NTMT1: variants seen among roughly 807,000 people sequenced by gnomAD.
NTMT1 encodes N-terminal Xaa-Pro-Lys N-methyltransferase 1, also known as N-terminal RCC1 methyltransferase.
NTMT1 carries 8 observed loss-of-function variants against 17.5 expected under a neutral mutation model. The ratio of observed to expected loss-of-function variants is 0.46; its 90% CI spans 0.27 to 0.82. The LOEUF is 0.82. Ranked by LOEUF, NTMT1 falls within the 40% of genes least tolerant of loss-of-function variation. The pLI is 0.15. For missense variants in NTMT1, 221 were observed against 303.5 expected, an observed-to-expected ratio of 0.73 and a Z score of 2.02; for synonymous variants, 128 against 126.8, an observed-to-expected ratio of 1.01 and a Z score of -0.06.
In NTMT1 at chr9:129,632,683, A is replaced by G. The variant is rs562567030; in HGVS notation, c.-21A>G. 44 of 1,613,206 alleles carry G rather than the reference A, an allele frequency of 2.7e-5. No homozygotes were observed. Among genetic ancestry groups the G allele is most frequent in the Non-Finnish European group, 3.6e-5 (42 of 1,179,386 alleles). On this transcript the variant is annotated 5_prime_UTR_variant, in exon 2 of 4. Transcript: ENST00000372483. ...CGGTTGCTGATCGTGGTGCTTGAGT[A>G]GAGCCGTGGTTGGTGACAGCATGAC...
chr9:129,619,103 G>GGTGA (rs1265556423), intron 1 of NTMT1, among the ~76,000 whole-genome samples: 1 of 152,084 alleles, frequency 6.6e-6, no homozygotes, highest in Non-Finnish European at 1.5e-5. Flanking sequence ...TGGGTGGGTG[G>GGTGA]GTGAGTGAAT....
intron 1 of NTMT1, chr9:129,619,631 T>C: frequency 6.2e-7 from 1 of 1,614,026 alleles, no homozygotes; most frequent in Non-Finnish European, 8.5e-7. Context: ...GTGCGATGAC[T>C]GGCCCCTTAA....
At chr9:129,632,892 G>A (rs1831245600) in intron 2 of NTMT1, 27 bp downstream of exon 2, 1 of 1,608,082 alleles carries the variant, frequency 6.2e-7, no homozygotes, top group South Asian at 1.1e-5. Flanking sequence ...TGCTCTCCAG[G>A]AGAGGCTGTG....
Position 129,632,831 on chromosome 9 carries a change from A to G in NTMT1, c.128A>G (p.Asn43Ser), listed in dbSNP as rs1329532552. 3 of 1,614,140 alleles carry G rather than the reference A, an allele frequency of 1.9e-6. No homozygotes were observed. Among genetic ancestry groups the G allele is most frequent in the South Asian group, 2.2e-5 (2 of 91,078 alleles). The change falls in exon 2 of 4, where the codon AAC (asparagine) becomes AGC (serine). Residue 43 changes from asparagine to serine, a missense_variant. Physicochemically the swap from Asn to Ser is conservative, Grantham distance 46 (BLOSUM62 1). Transcript: ENST00000372483. ...GGCCACATCTCCAGCATCGACATCAACAGCTCCCGGAAGTTTCTGCAGAGG... is the reference window on the plus strand; with the variant it reads ...GGCCACATCTCCAGCATCGACATCAGCAGCTCCCGGAAGTTTCTGCAGAGG... Reference protein sequence around the residue: ...GYGHISSIDINSSRKFLQRFL... With the variant: ...GYGHISSIDISSSRKFLQRFL...
chr9:129,635,616 T>A lies in NTMT1; in HGVS notation c.*152T>A. The A allele has an allele frequency of 1.0e-6, 1 of 997,406 alleles. No homozygotes were observed. Among genetic ancestry groups the A allele is most frequent in the South Asian group, 1.6e-5 (1 of 62,618 alleles). 61.8% of individuals were successfully genotyped at this position (997,406 alleles called of 1,614,324 possible). On this transcript the variant is annotated 3_prime_UTR_variant, in exon 4 of 4. Coordinates refer to ENST00000372483, the MANE Select transcript of NTMT1 (RefSeq NM_014064.4). ...GTCCACTCATTATGCGGGCTCTTCT[T>A]CAAAAGGCAAGGTGGGACCCGGCGG...
intron 1 of NTMT1, among the ~76,000 whole-genome samples, chr9:129,610,682 C>T (rs1032198034): frequency 1.9e-4 from 29 of 151,956 alleles, no homozygotes; most frequent in African/African-American, 6.8e-4. Flanking sequence ...CCGCGCCAGG[C>T]GGCGCCAAAG....
chr9:129,632,788 G>A lies in NTMT1; in HGVS notation c.85G>A (p.Gly29Ser), dbSNP rs761262698. 2 of 1,614,152 alleles carry A rather than the reference G, an allele frequency of 1.2e-6. No individual in the cohort carries two copies. The highest frequency in any genetic ancestry group is 2.2e-5 in the South Asian group (2 of 91,084). ...GAAACAAATCCCACCCACGGTGGAC[G>A]GCATGCTTGGGGGGTATGGCCACAT... ...YWKQIPPTVD[G>S]MLGGYGHISS... Residue 29 changes from glycine to serine, a missense_variant, in exon 2 of 4, where the codon GGC becomes AGC. Coordinates refer to ENST00000372483, the MANE Select transcript of NTMT1 (RefSeq NM_014064.4).
rs571302391 is a variant in NTMT1 at position 129,632,445 on chromosome 9, C to G, written c.-54-205C>G. 3.9e-5 allele frequency among the ~76,000 whole-genome samples: 6 copies of G among 152,278 alleles called. No individual in the cohort carries two copies. In the South Asian group the frequency reaches 1.2e-3, roughly 32 times the overall value. On this transcript the variant is annotated intron_variant, in intron 1 of 3. Coordinates refer to ENST00000372483, the MANE Select transcript of NTMT1 (RefSeq NM_014064.4). ...AATAAAAATGTAAAAGAACTTGAAG[C>G]CAGGACTTGGGGCGGGTGCTCTGAG... is the stretch of plus-strand genomic sequence containing the variant.
rs769327680 is a variant in NTMT1 at position 129,613,191 on chromosome 9, G to T, written c.-55+4013G>T. ...CAGCGGCCTTCTTCCATGAACAGAA[G>T]GGCAGGCTGCTGTTCATGGAGGTGT... On this transcript the variant is annotated intron_variant, in intron 1 of 3. Coordinates refer to the NTMT1 transcript ENST00000372486. This position sits in a 1 kb window ranked among gnomAD's most constrained non-coding sequence, Gnocchi z 6.2. 6.2e-7 allele frequency: 1 copy of T among 1,613,698 alleles called. No homozygotes were observed. The highest frequency in any genetic ancestry group is 1.1e-5 in the South Asian group (1 of 91,080).
upstream of NTMT1, among the ~76,000 whole-genome samples, chr9:129,621,857 A>G (rs1030658726): frequency 6.6e-6 from 1 of 151,986 alleles, no homozygotes; most frequent in Non-Finnish European, 1.5e-5. Context: ...GGGGCCCTAG[A>G]AGGTCCTGTG....
At chr9:129,619,395 G>T in intron 1 of NTMT1, 1 of 732,440 alleles carries the variant, frequency 1.4e-6, no homozygotes, top group East Asian at 2.5e-5. Context: ...ACAGCCATAT[G>T]TAAGGATGGA....
chr9:129,610,308 C>CG (rs1554772863), intron 1 of NTMT1, among the ~76,000 whole-genome samples: 5 of 149,388 alleles, frequency 3.3e-5, no homozygotes, highest in Admixed American at 3.3e-4. Flanking sequence ...CCGCCCCCCC[C>CG]CCACCGGCGT....
intron 1 of NTMT1, chr9:129,628,419 A>G (rs543375965): frequency 6.6e-6 from 1 of 152,322 alleles, no homozygotes; most frequent in Non-Finnish European, 1.5e-5. Flanking sequence ...TATTCAGGGG[A>G]CCCTGACATT....
At position 129,632,670 on chromosome 9, in the gene NTMT1, G is replaced by A. The variant is rs751056765; in HGVS notation, c.-34G>A. 7.5e-6 allele frequency: 12 copies of A among 1,609,576 alleles called. No individual in the cohort carries two copies. The African/African-American group carries it at 1.1e-4, about 14-fold the overall frequency. ...CCCAGGAGAGTCGCGGTTGCTGATC[G>A]TGGTGCTTGAGTAGAGCCGTGGTTG... On this transcript the variant is annotated 5_prime_UTR_variant, in exon 2 of 4. The change creates a new upstream start codon in the 5' untranslated region. Coordinates refer to ENST00000372483, the MANE Select transcript of NTMT1 (RefSeq NM_014064.4).
upstream of NTMT1, among the ~76,000 whole-genome samples, chr9:129,621,545 T>C (rs1431409714): frequency 2.0e-5 from 3 of 152,126 alleles, no homozygotes; most frequent in Non-Finnish European, 4.4e-5. Flanking sequence ...TTTGTAGAAA[T>C]GGGGTAGAAT....
intron 1 of NTMT1, among the ~76,000 whole-genome samples, chr9:129,610,363 G>A (rs997225126): frequency 2.6e-5 from 4 of 151,646 alleles, no homozygotes; most frequent in Admixed American, 2.0e-4. Context: ...GGGTCGCGGG[G>A]GCGCCGAGAC....
At chr9:129,631,236 A>G (rs534193736) in intron 1 of NTMT1, among the ~76,000 whole-genome samples, 2 of 152,208 alleles carry the variant, frequency 1.3e-5, no homozygotes, top group Non-Finnish European at 2.9e-5. Flanking sequence ...TTGTGGGTCC[A>G]TGAGAATCCT....
rs1385086567 is a variant in NTMT1, at chr9:129,634,743, C to T, written c.415+437C>T. The T allele has an allele frequency of 3.7e-5, 8 of 217,352 alleles. No homozygotes were observed. The East Asian group carries it at 3.7e-4, about 10-fold the overall frequency. 13.5% of individuals were successfully genotyped at this position (217,352 alleles called of 1,614,324 possible). On this transcript the variant is annotated intron_variant, in intron 3 of 3. Transcript: ENST00000372483. Reference sequence around the variant, plus strand: ...GTGGCGGCAGGCCGCTAGCAGCAGTCGGCCACCTCCTGAGGCGGGCAGCAC... The same window carrying T: ...GTGGCGGCAGGCCGCTAGCAGCAGTTGGCCACCTCCTGAGGCGGGCAGCAC...
chr9:129,609,548 C>A (rs540783743), intron 1 of NTMT1, among the ~76,000 whole-genome samples: 1 of 148,450 alleles, frequency 6.7e-6, no homozygotes, highest in Non-Finnish European at 1.5e-5. Flanking sequence ...GCAGCCCCCC[C>A]ACCCCAAACC....
Sources: gnomAD v4.1 joint callset for allele counts (sites outside exome capture counted in the v4.1 genomes callset) on GRCh38, gnomAD v4.1.1 for gene constraint, Gnocchi (gnomAD v3.1) non-coding constraint, MANE v1.5 for transcripts, NCBI Gene and HGNC (gene_info 2026-07-23, HGNC 2026-07-21) for gene names.